The following NFIA variants were observed in gnomAD, a reference collection of about 807,000 sequenced individuals.
NFIA encodes nuclear factor I A, also known as nuclear factor 1 A-type.
In NFIA, 8 loss-of-function variants were observed where a neutral mutation model predicts 62.8. The ratio of observed to expected loss-of-function variants is 0.13; its 90% CI spans 0.07 to 0.23. The LOEUF is 0.23. NFIA is among the 10% of genes least tolerant of loss of function. The probability of loss-of-function intolerance (pLI) is 1.00; values close to 1 mark genes in which losing one functional copy is unlikely to be tolerated. For missense variants in NFIA, 410 were observed against 642.1 expected, an observed-to-expected ratio of 0.64 and a Z score of 3.91; for synonymous variants, 235 against 238.1, an observed-to-expected ratio of 0.99 and a Z score of 0.12.
At chr1:61,113,528 A>G (rs1399048205) in intron 2 of NFIA, among the ~76,000 whole-genome samples, 1 of 134,904 alleles carries the variant, frequency 7.4e-6, no homozygotes, top group Admixed American at 8.4e-5. Context: ...GTTGAGGCGG[A>G]GGTTGTAATG....
intron 10 of NFIA, among the ~76,000 whole-genome samples, chr1:61,453,443 C>CTTTT (rs11336299): frequency 8.4e-3 from 658 of 78,590 alleles, no homozygotes; most frequent in East Asian, 0.014. Context: ...TGTGAAGAAA[C>CTTTT]TTTTTTTTTT....
intron 3 of NFIA, among the ~76,000 whole-genome samples, chr1:61,289,701 C>A (rs930866183): frequency 6.6e-6 from 1 of 152,196 alleles, no homozygotes; most frequent in Non-Finnish European, 1.5e-5. Flanking sequence ...GCACAAACAA[C>A]GTTAGTTCCT....
intron 2 of NFIA, among the ~76,000 whole-genome samples, chr1:61,213,847 C>T (rs1056732152): frequency 6.6e-6 from 1 of 152,164 alleles, no homozygotes; most frequent in Non-Finnish European, 1.5e-5. Flanking sequence ...CCGCCACCAC[C>T]CTACACTCCC....
At chr1:61,408,508 A>G (rs1298090485) in intron 9 of NFIA, among the ~76,000 whole-genome samples, 1 of 152,218 alleles carries the variant, frequency 6.6e-6, no homozygotes, top group Non-Finnish European at 1.5e-5. Context: ...ATGCCTCTGC[A>G]TACCATTTTC....
chr1:61,177,655 G>T (rs1027818887), intron 2 of NFIA, among the ~76,000 whole-genome samples: 8 of 108,280 alleles, frequency 7.4e-5, no homozygotes, highest in South Asian at 6.5e-4. Context: ...TTTCTCTATT[G>T]TGTGTGTGTG....
intron 3 of NFIA, among the ~76,000 whole-genome samples, chr1:61,303,990 A>C (rs1017401224): frequency 6.6e-6 from 1 of 152,122 alleles, no homozygotes; most frequent in Non-Finnish European, 1.5e-5. Flanking sequence ...TCAGGGTGAC[A>C]TTGGCCGGGC....
intron 5 of NFIA, among the ~76,000 whole-genome samples, chr1:61,356,931 C>A (rs1284782225): frequency 1.3e-5 from 2 of 152,210 alleles, no homozygotes; most frequent in African/African-American, 4.8e-5. Context: ...CCCTAGGCTC[C>A]ATTTTCCTGT....
intron 9 of NFIA, among the ~76,000 whole-genome samples, chr1:61,408,247 G>A (rs1199227272): frequency 1.3e-5 from 2 of 152,252 alleles, no homozygotes; most frequent in Non-Finnish European, 2.9e-5. Context: ...AAAACCCTCA[G>A]TGTCCAATGA....
chr1:61,354,833 AGT>A (rs1662742319), intron 5 of NFIA, among the ~76,000 whole-genome samples: 1 of 152,178 alleles, frequency 6.6e-6, no homozygotes, highest in South Asian at 2.1e-4. Context: ...CCATCTAGAC[AGT>A]GAGTCCCTTG....
chr1:61,163,524 A>AT (rs1312070345), intron 2 of NFIA, among the ~76,000 whole-genome samples: 3 of 152,056 alleles, frequency 2.0e-5, no homozygotes, highest in East Asian at 1.9e-4. Context: ...AATAGTAGCT[A>AT]TTTTTATCAT....
chr1:61,428,962 G>A (rs1358099105), intron 10 of NFIA, among the ~76,000 whole-genome samples: 1 of 152,162 alleles, frequency 6.6e-6, no homozygotes, highest in Non-Finnish European at 1.5e-5. Flanking sequence ...CTTTCTAAAT[G>A]TAGAAGCAGT....
chr1:61,112,982 A>G (rs190356252), intron 2 of NFIA, among the ~76,000 whole-genome samples: 117 of 152,292 alleles, frequency 7.7e-4, no homozygotes, highest in Non-Finnish European at 1.1e-3. Context: ...TAGTATTTCT[A>G]GTGTTTCATT....
intron 3 of NFIA, among the ~76,000 whole-genome samples, chr1:61,281,815 C>T (rs969993726): frequency 6.6e-6 from 1 of 152,040 alleles, no homozygotes; most frequent in African/African-American, 2.4e-5. Context: ...TGACAAATTC[C>T]TTTTAAAAAA....
Position 61,306,166 on chromosome 1 carries a change from C to T in NFIA, c.626-26346C>T, listed in dbSNP as rs116073597. 7.2e-3 allele frequency among the ~76,000 whole-genome samples: 1,091 copies of T among 150,858 alleles called. 11 individuals carry two copies. The highest frequency in any genetic ancestry group is 0.025 in the African/African-American group (1,023 of 41,248). On this transcript the variant is annotated intron_variant, in intron 3 of 10. Coordinates refer to ENST00000403491, the MANE Select transcript of NFIA (RefSeq NM_001134673.4). ...CACCCAGCCTTCTTTTGATTGTTTTCGGAGACTTGTACTCAGCCTTTTTGC... is the reference window on the plus strand; with the variant it reads ...CACCCAGCCTTCTTTTGATTGTTTTTGGAGACTTGTACTCAGCCTTTTTGC...
At chr1:61,277,062 T>C (rs1657847725) in intron 2 of NFIA, among the ~76,000 whole-genome samples, 1 of 152,228 alleles carries the variant, frequency 6.6e-6, no homozygotes, top group African/African-American at 2.4e-5. Flanking sequence ...CAGAGCTAAA[T>C]ATCAACAGAA....
At chr1:61,446,705 G>T (rs532279346) in intron 10 of NFIA, among the ~76,000 whole-genome samples, 10 of 152,314 alleles carry the variant, frequency 6.6e-5, no homozygotes, top group African/African-American at 2.4e-4. Flanking sequence ...ACTGTTGCAG[G>T]ATGTATCTGG....
At chr1:61,130,801 G>A (rs1647059522) in intron 2 of NFIA, among the ~76,000 whole-genome samples, 1 of 152,286 alleles carries the variant, frequency 6.6e-6, no homozygotes, top group Admixed American at 6.5e-5. Context: ...CCAAGGTCAG[G>A]TTAGTTAATT....
intron 2 of NFIA, among the ~76,000 whole-genome samples, chr1:61,271,910 T>G (rs1445707371): frequency 6.6e-6 from 1 of 152,258 alleles, no homozygotes; most frequent in Non-Finnish European, 1.5e-5. Context: ...TGTTTCCATT[T>G]TTAAAGCTTA....
Position 61,207,974 on chromosome 1 carries a change from C to CTT in NFIA, c.560-69524_560-69523dup, listed in dbSNP as rs11444962. On this transcript the variant is annotated intron_variant, in intron 2 of 10. Coordinates refer to ENST00000403491, the MANE Select transcript of NFIA (RefSeq NM_001134673.4). ...GGTATGCCTTGGAAATGCACTGAAC[C>CTT]TTTTTTTTTTTTTTTTTTTTTTTGA... Among the ~76,000 whole-genome samples, 407 of 115,362 alleles carry CTT rather than the reference C, an allele frequency of 3.5e-3. 3 individuals carry two copies. Among genetic ancestry groups the CTT allele is most frequent in the African/African-American group, 0.011 (318 of 27,974 alleles). The allele number at this position is 115,362 out of a possible 152,430, so 75.7% of individuals were successfully genotyped here.
Sources: allele counts gnomAD v4.1 joint callset (sites outside exome capture counted in the v4.1 genomes callset), GRCh38; gene constraint gnomAD v4.1.1; transcripts MANE v1.5; gene names NCBI Gene and HGNC (gene_info 2026-07-23, HGNC 2026-07-21).